The following SASH1 variants were observed in gnomAD, a reference collection of about 807,000 sequenced individuals.
SASH1 encodes the protein SAM and SH3 domain-containing protein 1.
A neutral mutation model predicts 125.2 loss-of-function variants in SASH1; 44 were observed. The ratio of observed to expected loss-of-function variants is 0.35; its 90% CI spans 0.28 to 0.45. The LOEUF (loss-of-function observed/expected upper bound fraction) is 0.45, where lower values mean the gene tolerates loss of function less well. SASH1 is among the 20% of genes least tolerant of loss of function. SASH1 has a pLI of 1.00. For synonymous variants in SASH1, 639 were observed against 649.1 expected (o/e 0.98, Z 0.24); for missense variants, 1,426 against 1,614.5 (o/e 0.88, Z 2.00).
chr6:148,284,048 T>C (rs956349093), intron 1 of SASH1, among the ~76,000 whole-genome samples: 1 of 152,140 alleles, frequency 6.6e-6, no homozygotes, highest in Admixed American at 6.5e-5. Context: ...AGGCCAAGGA[T>C]ATAATCATTC....
chr6:148,389,597 A>C (rs111970476), intron 1 of SASH1, among the ~76,000 whole-genome samples: 28 of 152,202 alleles, frequency 1.8e-4, no homozygotes, highest in African/African-American at 6.5e-4. Flanking sequence ...GATTTGTCCC[A>C]GATGCAATTC....
intron 2 of SASH1, among the ~76,000 whole-genome samples, chr6:148,431,077 A>G (rs1699061220): frequency 1.3e-5 from 2 of 152,240 alleles, no homozygotes; most frequent in Admixed American, 6.5e-5. Context: ...TAGCCCAGGT[A>G]GCTGTGAGGC....
At chr6:148,329,045 C>T (rs1169018161) in intron 1 of SASH1, among the ~76,000 whole-genome samples, 1 of 152,138 alleles carries the variant, frequency 6.6e-6, no homozygotes, top group Non-Finnish European at 1.5e-5. Flanking sequence ...GATGGATTTC[C>T]TGCCCCAATA....
chr6:148,326,373 T>C (rs576396729), intron 1 of SASH1, among the ~76,000 whole-genome samples: 3,452 of 77,974 alleles, frequency 0.044, 246 homozygotes, highest in African/African-American at 0.06. Context: ...TATATATATA[T>C]ACATTCTTTT....
At chr6:148,412,865 A>G (rs1298832587) in intron 2 of SASH1, among the ~76,000 whole-genome samples, 2 of 152,204 alleles carry the variant, frequency 1.3e-5, no homozygotes, top group Admixed American at 6.5e-5. Context: ...GTCATAGGAA[A>G]ATCATTACTG....
rs147573902 is a variant in SASH1 at position 148,494,879 on chromosome 6, T to G, written c.729+7164T>G. ...TCCTTGATTGAGGACTTCCAAGGTC[T>G]CAACTAAAATATCCCCAGATTATAA... On this transcript the variant is annotated intron_variant, in intron 8 of 19. Transcript: ENST00000367467. Among the ~76,000 whole-genome samples the G allele has an allele frequency of 5.3e-5, 8 of 152,344 alleles. No homozygotes were observed. In the East Asian group the frequency reaches 1.5e-3, roughly 29 times the overall value.
At chr6:148,378,372 T>TG (rs1782995559) in intron 1 of SASH1, among the ~76,000 whole-genome samples, 1 of 151,584 alleles carries the variant, frequency 6.6e-6, no homozygotes, top group South Asian at 2.1e-4. Context: ...TTTTTTTTTT[T>TG]GAGACAGGGT....
chr6:148,451,610 C>A (rs187091666), intron 4 of SASH1, among the ~76,000 whole-genome samples: 8 of 152,032 alleles, frequency 5.3e-5, no homozygotes, highest in Admixed American at 2.6e-4. Flanking sequence ...CTAGCCTGGG[C>A]AACACAGCAA....
chr6:148,207,877 A>C, the SASH1 span, among the ~76,000 whole-genome samples: 7 of 152,154 alleles, frequency 4.6e-5, no homozygotes, highest in Non-Finnish European at 1.0e-4. Flanking sequence ...TTGAGTCCCC[A>C]GACTTTAGTA....
At position 148,467,257 on chromosome 6, in the gene SASH1, T is replaced by C. The variant is rs532767860; in HGVS notation, c.387-1288T>C. Among the ~76,000 whole-genome samples the C allele has an allele frequency of 3.1e-3, 476 of 152,078 alleles. 3 individuals carry two copies. The highest frequency in any genetic ancestry group is 0.011 in the African/African-American group (437 of 41,454). ...GATTACAGGCCTGTGCCACCACGCC[T>C]AGCTAATTTTTGTATTTTTAGTAGA... On this transcript the variant is annotated intron_variant, in intron 4 of 19. Transcript: ENST00000367467.
intron 8 of SASH1, among the ~76,000 whole-genome samples, chr6:148,505,416 C>T (rs1035473126): frequency 3.3e-5 from 5 of 152,268 alleles, no homozygotes; most frequent in South Asian, 2.1e-4. Flanking sequence ...CAGGTTCAAG[C>T]GATTCTTGTG....
At chr6:148,279,736 T>G (rs1779284099) in intron 1 of SASH1, among the ~76,000 whole-genome samples, 1 of 152,112 alleles carries the variant, frequency 6.6e-6, no homozygotes, top group Non-Finnish European at 1.5e-5. Context: ...GGCTCACACC[T>G]GAAATCCTAG....
intron 7 of SASH1, among the ~76,000 whole-genome samples, chr6:148,475,126 T>C (rs1268057761): frequency 2.0e-5 from 3 of 152,190 alleles, no homozygotes; most frequent in Admixed American, 6.5e-5. Context: ...AACAAACCCA[T>C]TGATTCTTGA....
At position 148,383,878 on chromosome 6, in the gene SASH1, A is replaced by G. The variant is rs555621667; in HGVS notation, c.157-6256A>G. The stretch of plus-strand genomic sequence containing the variant: ...CTTAATTGCAACAGCAGTCCACCCA[A>G]TCTGAACTGCTCGGTACAATGCCCC... On this transcript the variant is annotated intron_variant, in intron 1 of 19. Coordinates refer to ENST00000367467, the MANE Select transcript of SASH1 (RefSeq NM_015278.5). Among the ~76,000 whole-genome samples the G allele has an allele frequency of 1.6e-4, 24 of 152,232 alleles. No homozygotes were observed. In the South Asian group the frequency reaches 3.7e-3, roughly 24 times the overall value.
intron 1 of SASH1, among the ~76,000 whole-genome samples, chr6:148,326,349 TATATATATGC>T (rs1473160385): frequency 2.1e-4 from 18 of 86,582 alleles, no homozygotes; most frequent in Admixed American, 4.2e-4. Flanking sequence ...TATATATATA[TATATATATGC>T]ATATATATAT....
intron 8 of SASH1, among the ~76,000 whole-genome samples, chr6:148,496,109 A>G (rs973296830): frequency 6.6e-6 from 1 of 152,084 alleles, no homozygotes; most frequent in African/African-American, 2.4e-5. Context: ...CGGCCTCCCA[A>G]AGTGCTGGAA....
At chr6:148,500,387 C>G (rs933783984) in intron 8 of SASH1, among the ~76,000 whole-genome samples, 1 of 152,104 alleles carries the variant, frequency 6.6e-6, no homozygotes, top group East Asian at 1.9e-4. Flanking sequence ...TGTGCCGTAT[C>G]GTAATTGATG....
chr6:148,529,856 G>T lies in SASH1; in HGVS notation c.1429-1670G>T, dbSNP rs1029395570. ...GAGTGTCACTCTGTCACCCAGGCTG[G>T]AGTGCAATGGTGTGGCCTCGGCTTA... On this transcript the variant is annotated intron_variant, in intron 12 of 19. Coordinates refer to ENST00000367467, the MANE Select transcript of SASH1 (RefSeq NM_015278.5). The surrounding 1 kb of genome is among the most constrained non-coding windows in gnomAD (Gnocchi z 4.2). Among the ~76,000 whole-genome samples, 1 of 152,036 alleles carries T rather than the reference G, an allele frequency of 6.6e-6. No homozygotes were observed. Among genetic ancestry groups the T allele is most frequent in the Non-Finnish European group, 1.5e-5 (1 of 68,008 alleles).
chr6:148,476,800 C>T (rs1430270945), intron 7 of SASH1, among the ~76,000 whole-genome samples: 1 of 152,188 alleles, frequency 6.6e-6, no homozygotes. Flanking sequence ...ATAACATTAA[C>T]TGACTTCAAA....
Sources: gnomAD v4.1 joint callset for allele counts (sites outside exome capture counted in the v4.1 genomes callset) on GRCh38, gnomAD v4.1.1 for gene constraint, Gnocchi (gnomAD v3.1) non-coding constraint, MANE v1.5 for transcripts, NCBI Gene and HGNC (gene_info 2026-07-23, HGNC 2026-07-21) for gene names.